The following LRP1B variants were observed in gnomAD, a reference collection of about 807,000 sequenced individuals.
The protein encoded by LRP1B is low-density lipoprotein receptor-related protein 1B.
A neutral mutation model predicts 556.6 loss-of-function variants in LRP1B; 217 were observed. The ratio of observed to expected loss-of-function variants is 0.39; its 90% confidence interval spans 0.35 to 0.44. The LOEUF (loss-of-function observed/expected upper bound fraction) is 0.44. Among genes scored for constraint, LRP1B ranks in the 20% least tolerant of loss-of-function variants. The pLI, the probability that LRP1B is intolerant of heterozygous loss-of-function variation, is 1.00. For missense variants in LRP1B, 5,053 were observed against 5,620.8 expected (o/e 0.90, Z 3.23); for synonymous variants, 2,047 against 1,865.8 (o/e 1.10, Z -2.50).
chr2:140,562,332 ATTTC>A (rs539822904), intron 43 of LRP1B, among the ~76,000 whole-genome samples: 247 of 152,254 alleles, frequency 1.6e-3, no homozygotes, highest in Non-Finnish European at 2.7e-3. Flanking sequence ...GATAAAAACA[ATTTC>A]TTTTTGTTTA....
intron 6 of LRP1B, among the ~76,000 whole-genome samples, chr2:141,213,713 T>A (rs1558937435): frequency 6.6e-6 from 1 of 152,248 alleles, no homozygotes; most frequent in Non-Finnish European, 1.5e-5. Context: ...CATGCTTCTG[T>A]ATATTTTAAG....
chr2:140,273,795 T>A (rs1446445542), intron 85 of LRP1B, among the ~76,000 whole-genome samples: 1 of 152,118 alleles, frequency 6.6e-6, no homozygotes, highest in East Asian at 1.9e-4. Context: ...AGAAACTGAA[T>A]GGCACAACCC....
chr2:140,254,100 C>G (rs72910125), intron 86 of LRP1B, among the ~76,000 whole-genome samples: 5,910 of 152,208 alleles, frequency 0.039, 125 homozygotes, highest in South Asian at 0.083. Context: ...AAGGCCCTTC[C>G]TATTTCTTAG....
chr2:141,997,288 C>T (rs1180666262), intron 1 of LRP1B, among the ~76,000 whole-genome samples: 1 of 151,536 alleles, frequency 6.6e-6, no homozygotes, highest in African/African-American at 2.4e-5. Context: ...CAGTTTGTTC[C>T]TGCTAAAATA....
At chr2:140,419,668 A>G (rs1685348855) in intron 66 of LRP1B, among the ~76,000 whole-genome samples, 1 of 152,210 alleles carries the variant, frequency 6.6e-6, no homozygotes, top group Non-Finnish European at 1.5e-5. Context: ...TCATTTGGAA[A>G]TTAAACAATA....
intron 41 of LRP1B, among the ~76,000 whole-genome samples, chr2:140,670,310 G>T (rs1375072765): frequency 6.6e-6 from 1 of 152,082 alleles, no homozygotes; most frequent in Non-Finnish European, 1.5e-5. Context: ...AAAGCACAAA[G>T]AAAGTTGGAA....
At chr2:141,482,747 C>A (rs991752147) in intron 2 of LRP1B, among the ~76,000 whole-genome samples, 1 of 152,090 alleles carries the variant, frequency 6.6e-6, no homozygotes, top group Middle Eastern at 3.4e-3. Flanking sequence ...TTGGCTGATT[C>A]ACAAAAATTT....
chr2:141,532,132 G>T (rs567422701), intron 2 of LRP1B, among the ~76,000 whole-genome samples: 1 of 152,220 alleles, frequency 6.6e-6, no homozygotes, highest in Non-Finnish European at 1.5e-5. Context: ...TCAACTAATT[G>T]TATTGTTGGC....
chr2:141,480,428 G>T lies in LRP1B; in HGVS notation c.311C>A (p.Pro104Gln). 6.2e-7 allele frequency: 1 copy of T among 1,613,872 alleles called. No individual in the cohort carries two copies. The highest frequency in any genetic ancestry group is 8.5e-7 in the Non-Finnish European group (1 of 1,179,902). The part of the protein sequence containing the change: ...SQLCNGVLDC[P>Q]DGYDEGVHCQ... ...ATGTACTCCTTCGTCATACCCATCT[G>T]GGCAGTCCAAGACACCATTGCACAG... Residue 104 changes from proline to glutamine, a missense_variant, in exon 3 of 91, where the codon CCA becomes CAA. By Grantham distance (76) the Pro-to-Gln change is moderately conservative. Transcript: ENST00000389484.
intron 27 of LRP1B, among the ~76,000 whole-genome samples, chr2:140,864,747 T>C (rs749923136): frequency 1.1e-4 from 17 of 152,038 alleles, no homozygotes; most frequent in African/African-American, 1.7e-4. Flanking sequence ...GAATTATATA[T>C]TTTTAACTTA....
In LRP1B at chr2:140,891,019, A is replaced by G. The variant is rs575101590; in HGVS notation, c.3767-4684T>C. On this transcript the variant is annotated intron_variant, in intron 23 of 90. Coordinates refer to ENST00000389484, the MANE Select transcript of LRP1B (RefSeq NM_018557.3). ...CAATTCTTCCAGTATACTAGCTTCTATCTCATAAACGACTGAATTTAACAG... is the reference window on the plus strand; with the variant it reads ...CAATTCTTCCAGTATACTAGCTTCTGTCTCATAAACGACTGAATTTAACAG... Among the ~76,000 whole-genome samples, 10 of 152,260 alleles carry G rather than the reference A, an allele frequency of 6.6e-5. No homozygotes were observed. In the East Asian group the frequency reaches 9.6e-4, roughly 15 times the overall value.
At chr2:140,598,589 C>T (rs2105187954) in intron 43 of LRP1B, 42 bp downstream of exon 43, 1 of 1,430,152 alleles carries the variant, frequency 7.0e-7, no homozygotes. Context: ...TTAAATATAT[C>T]ATTGTATAAC....
intron 11 of LRP1B, among the ~76,000 whole-genome samples, chr2:141,042,310 G>A (rs2091302): frequency 0.49 from 74,288 of 151,866 alleles, 20,248 homozygotes; most frequent in Non-Finnish European, 0.61. Context: ...AAAAATGGGC[G>A]TTCCCTAAGC....
chr2:140,652,308 A>G (rs1684717679), intron 41 of LRP1B, among the ~76,000 whole-genome samples: 1 of 152,090 alleles, frequency 6.6e-6, no homozygotes, highest in Non-Finnish European at 1.5e-5. Context: ...TGAAAATACA[A>G]TATGGAAGAA....
chr2:141,152,849 C>G (rs1162383301), intron 7 of LRP1B, among the ~76,000 whole-genome samples: 2 of 151,430 alleles, frequency 1.3e-5, no homozygotes, highest in African/African-American at 2.4e-5. Context: ...ATACCAACAC[C>G]TACACTTTCC....
intron 43 of LRP1B, among the ~76,000 whole-genome samples, chr2:140,544,327 A>C (rs1216673902): frequency 1.3e-5 from 2 of 151,822 alleles, no homozygotes; most frequent in East Asian, 3.9e-4. Context: ...CAGGGGTATT[A>C]ACTTTTAAGT....
intron 1 of LRP1B, among the ~76,000 whole-genome samples, chr2:142,016,982 A>G (rs1197668389): frequency 2.0e-5 from 3 of 150,658 alleles, no homozygotes; most frequent in Admixed American, 6.6e-5. Context: ...ATATACATAT[A>G]TGTATGTGTG....
intron 35 of LRP1B, among the ~76,000 whole-genome samples, chr2:140,718,806 T>C (rs1426920795): frequency 6.6e-6 from 1 of 152,062 alleles, no homozygotes; most frequent in Non-Finnish European, 1.5e-5. Flanking sequence ...TAGTAATAGA[T>C]CTTCCTGTTC....
At chr2:141,941,062 GAAC>G (rs2105014274) in intron 1 of LRP1B, among the ~76,000 whole-genome samples, 1 of 152,226 alleles carries the variant, frequency 6.6e-6, no homozygotes, top group African/African-American at 2.4e-5. Flanking sequence ...ACATGTTTTA[GAAC>G]AATATTATGT....
Sources: allele counts gnomAD v4.1 joint callset (sites outside exome capture counted in the v4.1 genomes callset), GRCh38; gene constraint gnomAD v4.1.1; transcripts MANE v1.5; gene names NCBI Gene and HGNC (gene_info 2026-07-23, HGNC 2026-07-21).